Variants in NRXN3 observed in about 807,000 individuals in gnomAD.
The protein encoded by NRXN3 is neurexin 3, also known as neurexin III.
NRXN3 carries 32 observed loss-of-function variants against 137.6 expected under a neutral mutation model. The observed-to-expected ratio is 0.23, with a 90% CI of 0.18 to 0.31. The LOEUF (loss-of-function observed/expected upper bound fraction) is 0.31. NRXN3 is among the 10% of genes least tolerant of loss of function. The pLI is 1.00. For missense variants in NRXN3, 1,574 were observed against 2,062.5 expected (o/e 0.76, Z 4.59); for synonymous variants, 798 against 784.5 (o/e 1.02, Z -0.29).
At chr14:79,852,234 AACACACACACACACACAC>A (rs45581833) in intron 20 of NRXN3, among the ~76,000 whole-genome samples, 28 of 128,266 alleles carry the variant, frequency 2.2e-4, no homozygotes, top group Middle Eastern at 4.4e-3. Flanking sequence ...TTCAACTCCC[AACACACACACACACACAC>A]ACACACACAC....
chr14:79,353,239 C>T (rs2093292025), intron 15 of NRXN3, among the ~76,000 whole-genome samples: 1 of 151,716 alleles, frequency 6.6e-6, no homozygotes, highest in Non-Finnish European at 1.5e-5. Context: ...CACTTTTGAT[C>T]AACTCTTGAT....
intron 4 of NRXN3, among the ~76,000 whole-genome samples, chr14:78,432,013 C>A (rs2110418): frequency 6.6e-6 from 1 of 152,010 alleles, no homozygotes; most frequent in Non-Finnish European, 1.5e-5. Context: ...GTACTGGTGC[C>A]ATTATGGGGG....
At chr14:78,482,101 AATTTC>A (rs2095482359) in intron 4 of NRXN3, among the ~76,000 whole-genome samples, 1 of 152,162 alleles carries the variant, frequency 6.6e-6, no homozygotes, top group Non-Finnish European at 1.5e-5. Flanking sequence ...CCAAAGAGCT[AATTTC>A]ATTTCCCACA....
At chr14:78,475,868 A>G (rs2095368970) in intron 4 of NRXN3, among the ~76,000 whole-genome samples, 1 of 152,228 alleles carries the variant, frequency 6.6e-6, no homozygotes, top group Middle Eastern at 3.2e-3. Flanking sequence ...TTGAACTTCT[A>G]CTATGTGCCA....
intron 10 of NRXN3, among the ~76,000 whole-genome samples, chr14:78,898,848 A>G (rs916984847): frequency 2.0e-5 from 3 of 151,970 alleles, no homozygotes; most frequent in African/African-American, 7.2e-5. Context: ...CTCAACCATC[A>G]TATTGAAAAA....
chr14:78,746,324 A>G (rs910596091), intron 8 of NRXN3, among the ~76,000 whole-genome samples: 1 of 152,208 alleles, frequency 6.6e-6, no homozygotes, highest in Admixed American at 6.5e-5. Context: ...AGACTCAGCC[A>G]TATCATGTTG....
intron 10 of NRXN3, among the ~76,000 whole-genome samples, chr14:78,917,700 C>T (rs551464214): frequency 7.9e-5 from 12 of 151,996 alleles, no homozygotes; most frequent in Non-Finnish European, 1.5e-4. Flanking sequence ...GAATGACTGT[C>T]CTTTGTGCAC....
intron 20 of NRXN3, among the ~76,000 whole-genome samples, chr14:79,856,920 A>C (rs1260967193): frequency 6.6e-6 from 1 of 152,180 alleles, no homozygotes; most frequent in Non-Finnish European, 1.5e-5. Flanking sequence ...TAAAATGCTA[A>C]CTTTAAAGAA....
At chr14:79,104,976 A>C (rs931866861) in intron 15 of NRXN3, among the ~76,000 whole-genome samples, 24 of 152,266 alleles carry the variant, frequency 1.6e-4, no homozygotes, top group African/African-American at 5.5e-4. Context: ...GGCAGTTTTC[A>C]TGATATTTCA....
rs1322981313 is a variant in NRXN3, at chr14:78,829,905, G to A, written c.2275+19561G>A. Among the ~76,000 whole-genome samples the A allele has an allele frequency of 2.0e-5, 3 of 152,088 alleles. No individual in the cohort carries two copies. In the East Asian group the frequency reaches 5.8e-4, roughly 29 times the overall value. ...TAGAGTGTCTTGCCTTAAAAGACAA[G>A]GTAGTTTTCTAGGCAATGGTATTTG... On this transcript the variant is annotated intron_variant, in intron 10 of 20. Coordinates refer to ENST00000335750, the MANE Select transcript of NRXN3 (RefSeq NM_001330195.2).
At chr14:79,805,236 CA>C in intron 20 of NRXN3, 46 bp downstream of exon 20, 3 of 1,413,692 alleles carry the variant, frequency 2.1e-6, no homozygotes, top group South Asian at 1.2e-5. Context: ...TTTTCTTTTG[CA>C]AAAAACAATA....
chr14:78,868,539 G>A (rs1213929481), intron 10 of NRXN3, among the ~76,000 whole-genome samples: 2 of 151,918 alleles, frequency 1.3e-5, no homozygotes, highest in African/African-American at 2.4e-5. Context: ...TTGAAACATA[G>A]GCCAGGGCAG....
intron 4 of NRXN3, among the ~76,000 whole-genome samples, chr14:78,484,796 C>G (rs1200764279): frequency 6.6e-6 from 1 of 152,118 alleles, no homozygotes; most frequent in Non-Finnish European, 1.5e-5. Flanking sequence ...GACCTGTATT[C>G]TTTCTCTAAG....
chr14:79,151,778 G>T (rs2059821526), intron 15 of NRXN3, among the ~76,000 whole-genome samples: 1 of 151,934 alleles, frequency 6.6e-6, no homozygotes, highest in Admixed American at 6.6e-5. Context: ...TGAGACAATT[G>T]TCCCAGAGTG....
intron 19 of NRXN3, among the ~76,000 whole-genome samples, chr14:79,747,879 C>T (rs1357637300): frequency 6.6e-6 from 1 of 152,080 alleles, no homozygotes; most frequent in Non-Finnish European, 1.5e-5. Flanking sequence ...GCTACTGAAA[C>T]TCTGTCTTAG....
At chr14:79,478,240 A>T (rs1457112092) in intron 16 of NRXN3, among the ~76,000 whole-genome samples, 2 of 150,060 alleles carry the variant, frequency 1.3e-5, no homozygotes, top group African/African-American at 4.9e-5. Context: ...CATATACAAG[A>T]TAAAGGAGGA....
At chr14:78,653,486 C>T (rs1449440478) in intron 6 of NRXN3, among the ~76,000 whole-genome samples, 1 of 152,098 alleles carries the variant, frequency 6.6e-6, no homozygotes, top group Non-Finnish European at 1.5e-5. Flanking sequence ...GGAGTCTCTC[C>T]AGGACAGGAT....
intron 4 of NRXN3, among the ~76,000 whole-genome samples, chr14:78,471,089 G>A (rs1020640160): frequency 1.3e-5 from 2 of 152,106 alleles, no homozygotes; most frequent in African/African-American, 4.8e-5. Flanking sequence ...GATGTAGAGT[G>A]GTTCTTTGGG....
At chr14:78,589,393 G>C (rs572061339) in intron 4 of NRXN3, among the ~76,000 whole-genome samples, 1 of 152,246 alleles carries the variant, frequency 6.6e-6, no homozygotes, top group East Asian at 1.9e-4. Context: ...TGCACTTCCA[G>C]CCTCCCACAT....
Sources: allele counts gnomAD v4.1 joint callset (sites outside exome capture counted in the v4.1 genomes callset), GRCh38; gene constraint gnomAD v4.1.1; transcripts MANE v1.5; gene names NCBI Gene and HGNC (gene_info 2026-07-23, HGNC 2026-07-21).